The following GRK3 variants were observed in gnomAD, a reference collection of about 807,000 sequenced individuals.
GRK3 encodes the protein G protein-coupled receptor kinase 3, also known as adrenergic, beta, receptor kinase 2.
Under a neutral mutation model 95.7 loss-of-function variants are expected in GRK3, and 54 were observed. That is an observed-to-expected ratio of 0.56 (90% CI 0.45 to 0.71). The LOEUF is 0.71. Among genes scored for constraint, GRK3 ranks in the 30% least tolerant of loss-of-function variants. The pLI is 0.00. For missense variants in GRK3, 649 were observed against 851.2 expected (o/e 0.76, Z 2.96); for synonymous variants, 281 against 290.8 (o/e 0.97, Z 0.34).
At chr22:25,617,013 G>A (rs1257069572) in intron 2 of GRK3, among the ~76,000 whole-genome samples, 1 of 152,144 alleles carries the variant, frequency 6.6e-6, no homozygotes, top group African/African-American at 2.4e-5. Context: ...GATTCTTACG[G>A]GTGTGAATCA....
In GRK3 at chr22:25,722,378, C is replaced by T. The variant is rs754530347; in HGVS notation, c.1995C>T (p.Leu665=). The T allele has an allele frequency of 3.7e-6, 6 of 1,614,222 alleles. No homozygotes were observed. Among genetic ancestry groups the T allele is most frequent in the Admixed American group, 1.7e-5 (1 of 60,024 alleles). ...QRLLRRAPKF[L]NKPRSGTVEL... is the part of the protein sequence containing the mutation. ...TATTGCGTCGTGCCCCGAAGTTCCT[C>T]AACAAACCTCGGTCAGGTACTGTGG... The change falls in exon 21 of 21, where the codon CTC becomes CTT. Residue 665 remains leucine (L), a synonymous_variant. Transcript: ENST00000324198.
intron 1 of GRK3, among the ~76,000 whole-genome samples, chr22:25,585,955 G>A (rs1932284548): frequency 1.3e-5 from 2 of 152,396 alleles, no homozygotes; most frequent in African/African-American, 2.4e-5. Flanking sequence ...GAAGGGTTGG[G>A]GAAGGCTCCA....
At chr22:25,605,632 A>G (rs1246045759) in intron 2 of GRK3, among the ~76,000 whole-genome samples, 2 of 152,254 alleles carry the variant, frequency 1.3e-5, no homozygotes, top group African/African-American at 2.4e-5. Context: ...CAGTTGAGTG[A>G]CTTTTTGTGT....
chr22:25,693,618 T>C (rs1304874734), intron 12 of GRK3, among the ~76,000 whole-genome samples: 1 of 152,154 alleles, frequency 6.6e-6, no homozygotes, highest in East Asian at 1.9e-4. Flanking sequence ...TTTGCCCTGA[T>C]GGACCAACGC....
At chr22:25,580,155 A>C (rs1267331210) in intron 1 of GRK3, 4 of 152,222 alleles carry the variant, frequency 2.6e-5, no homozygotes, top group Non-Finnish European at 4.4e-5. Flanking sequence ...CCTTATAGGG[A>C]AGCAACAGAC....
intron 6 of GRK3, among the ~76,000 whole-genome samples, chr22:25,668,627 G>C (rs538111297): frequency 6.6e-6 from 1 of 152,316 alleles, no homozygotes; most frequent in East Asian, 1.9e-4. Context: ...TCTTACAGAC[G>C]ATTGTACTTT....
intron 2 of GRK3, among the ~76,000 whole-genome samples, chr22:25,611,193 A>G (rs547106384): frequency 3.3e-5 from 5 of 152,300 alleles, no homozygotes; most frequent in East Asian, 3.9e-4. Flanking sequence ...TCAGCAGTTG[A>G]TGGGCATTTG....
At chr22:25,670,813 G>A (rs1426071020) in intron 6 of GRK3, among the ~76,000 whole-genome samples, 3 of 151,456 alleles carry the variant, frequency 2.0e-5, no homozygotes, top group Non-Finnish European at 4.4e-5. Context: ...CAGCACTATG[G>A]GAGGCCGAGG....
At chr22:25,721,487 A>G (rs2085431906) in intron 20 of GRK3, 90 bp downstream of exon 20, 2 of 747,908 alleles carry the variant, frequency 2.7e-6, no homozygotes, top group African/African-American at 1.8e-5. Flanking sequence ...TTCTTATGCC[A>G]TGTTTTATCA....
chr22:25,685,790 G>T (rs2085108196), intron 10 of GRK3, among the ~76,000 whole-genome samples: 1 of 151,986 alleles, frequency 6.6e-6, no homozygotes. Context: ...ATACTAGAAG[G>T]TGTCATGGTA....
intron 2 of GRK3, among the ~76,000 whole-genome samples, chr22:25,631,756 T>A (rs1424892836): frequency 6.6e-6 from 1 of 152,212 alleles, no homozygotes; most frequent in Non-Finnish European, 1.5e-5. Context: ...CAGCTTATGC[T>A]CCAGCTCCTG....
At chr22:25,570,119 C>T (rs191142248) in intron 1 of GRK3, among the ~76,000 whole-genome samples, 1 of 152,184 alleles carries the variant, frequency 6.6e-6, no homozygotes, top group Non-Finnish European at 1.5e-5. Flanking sequence ...CGTACTCTCC[C>T]GATCAGCTAC....
intron 12 of GRK3, among the ~76,000 whole-genome samples, chr22:25,694,223 C>T (rs1386417806): frequency 6.6e-6 from 1 of 152,152 alleles, no homozygotes; most frequent in Non-Finnish European, 1.5e-5. Flanking sequence ...CATCTGATTA[C>T]CCATTTTACT....
At chr22:25,663,845 A>C in intron 5 of GRK3, 141 bp downstream of exon 5, 1 of 590,618 alleles carries the variant, frequency 1.7e-6, no homozygotes, top group South Asian at 2.5e-5. Flanking sequence ...GTCTGGGACT[A>C]TTTGAGTTTA....
chr22:25,594,166 G>A (rs1433493296), intron 1 of GRK3, among the ~76,000 whole-genome samples: 1 of 152,170 alleles, frequency 6.6e-6, no homozygotes, highest in East Asian at 1.9e-4. Flanking sequence ...GATAGCAATA[G>A]CATTGAATCT....
chr22:25,582,445 T>C (rs1364382206), intron 1 of GRK3, among the ~76,000 whole-genome samples: 2 of 152,194 alleles, frequency 1.3e-5, no homozygotes, highest in Admixed American at 1.3e-4. Context: ...ATTGTGAAGA[T>C]GTCAGGTCTC....
In GRK3 at chr22:25,724,749, T is replaced by A. The variant is rs2085461025; in HGVS notation, c.*2299T>A. ...TTCTGCCAAAATGTTGTGATGGAGG[T>A]GTTTCTGCGACCAGACACAGGATAC... is the stretch of plus-strand genomic sequence containing the variant. On this transcript the variant is annotated 3_prime_UTR_variant, in exon 21 of 21. Coordinates refer to ENST00000324198, the MANE Select transcript of GRK3 (RefSeq NM_005160.4). 3 of 152,106 alleles carry A rather than the reference T, an allele frequency of 2.0e-5. No individual in the cohort carries two copies. Among genetic ancestry groups the A allele is most frequent in the Admixed American group, 2.0e-4 (3 of 15,272 alleles). 9.4% of individuals were successfully genotyped at this position (152,106 alleles called of 1,614,324 possible).
intron 16 of GRK3, 137 bp downstream of exon 16, chr22:25,710,101 A>G: frequency 2.9e-6 from 2 of 691,432 alleles, no homozygotes; most frequent in Admixed American, 4.0e-5. Flanking sequence ...CCCACCACCC[A>G]CCTCCCCCAG....
intron 3 of GRK3, among the ~76,000 whole-genome samples, chr22:25,647,000 G>A (rs1206352963): frequency 8.0e-6 from 1 of 125,008 alleles, no homozygotes; most frequent in South Asian, 2.5e-4. Context: ...TAGCCTGGGT[G>A]ACCGAGGGAG....
Sources: allele counts gnomAD v4.1 joint callset (sites outside exome capture counted in the v4.1 genomes callset), GRCh38; gene constraint gnomAD v4.1.1; transcripts MANE v1.5; gene names NCBI Gene and HGNC (gene_info 2026-07-23, HGNC 2026-07-21).